Variants in STK24 observed in about 807,000 individuals in gnomAD.
STK24 encodes serine/threonine kinase 24, also known as serine/threonine-protein kinase 24.
STK24 carries 21 observed loss-of-function variants against 55.6 expected under a neutral mutation model. The ratio of observed to expected loss-of-function variants is 0.38; its 90% CI spans 0.27 to 0.54. The LOEUF (loss-of-function observed/expected upper bound fraction) is 0.54. Ranked by LOEUF, STK24 falls within the 20% of genes least tolerant of loss-of-function variation. The pLI, the probability that STK24 is intolerant of heterozygous loss-of-function variation, is 0.79. For synonymous variants in STK24, 200 were observed against 215.2 expected, an observed-to-expected ratio of 0.93 and a Z score of 0.62; for missense variants, 383 against 538.4, an observed-to-expected ratio of 0.71 and a Z score of 2.86.
At chr13:98,567,878 CAGAG>C (rs1488043938) in intron 1 of STK24, among the ~76,000 whole-genome samples, 1 of 130,134 alleles carries the variant, frequency 7.7e-6, no homozygotes, top group Admixed American at 9.4e-5. Flanking sequence ...ATACCTGAAA[CAGAG>C]AGAAGACAAC....
intron 8 of STK24, 146 bp downstream of exon 8, chr13:98,461,625 CTCT>C: frequency 9.4e-7 from 1 of 1,058,346 alleles, no homozygotes; most frequent in Non-Finnish European, 1.4e-6. Flanking sequence ...AGAACTAAAG[CTCT>C]TCATCTGCCC....
At chr13:98,518,693 G>C (rs1896155090) in intron 2 of STK24, among the ~76,000 whole-genome samples, 1 of 152,170 alleles carries the variant, frequency 6.6e-6, no homozygotes, top group Non-Finnish European at 1.5e-5. Flanking sequence ...AAAGAACAGA[G>C]TGGCAGTGCA....
At chr13:98,484,712 T>TA (rs1294536188) in intron 2 of STK24, among the ~76,000 whole-genome samples, 2 of 152,330 alleles carry the variant, frequency 1.3e-5, no homozygotes, top group South Asian at 4.1e-4. Flanking sequence ...TAAGGAGCCC[T>TA]AGCAAGACAC....
chr13:98,502,120 C>G (rs1895491770), intron 2 of STK24, among the ~76,000 whole-genome samples: 2 of 152,170 alleles, frequency 1.3e-5, no homozygotes, highest in South Asian at 2.1e-4. Context: ...GGTTCCCTGT[C>G]CTGTGTTCCC....
chr13:98,468,510 G>A (rs1019738788), intron 5 of STK24, among the ~76,000 whole-genome samples: 1 of 152,210 alleles, frequency 6.6e-6, no homozygotes, highest in Non-Finnish European at 1.5e-5. Flanking sequence ...GCAGGCACAA[G>A]GAGGGAGGAC....
chr13:98,503,109 CCAAA>C (rs1895551481), intron 2 of STK24, among the ~76,000 whole-genome samples: 2 of 138,374 alleles, frequency 1.4e-5, no homozygotes, highest in Admixed American at 1.6e-4. Context: ...AACTCAACTG[CCAAA>C]CAAATACAGT....
intron 1 of STK24, among the ~76,000 whole-genome samples, chr13:98,567,762 T>C (rs1689558011): frequency 6.6e-6 from 1 of 151,182 alleles, no homozygotes; most frequent in South Asian, 2.1e-4. Flanking sequence ...TATTCACCTA[T>C]AAACTGAAGA....
At chr13:98,465,153 A>G (rs1325184736) in intron 6 of STK24, among the ~76,000 whole-genome samples, 1 of 152,212 alleles carries the variant, frequency 6.6e-6, no homozygotes, top group Non-Finnish European at 1.5e-5. Flanking sequence ...CAGCAGGAAC[A>G]CCCAAACACC....
intron 8 of STK24, among the ~76,000 whole-genome samples, chr13:98,461,054 AAGAGAGAG>A (rs71292876): frequency 2.6e-4 from 37 of 143,750 alleles, no homozygotes; most frequent in Admixed American, 2.0e-3. Flanking sequence ...AAAAAAAAAA[AAGAGAGAG>A]AGAGAGAGAG....
At chr13:98,559,856 A>G (rs1897375110) in intron 1 of STK24, among the ~76,000 whole-genome samples, 1 of 152,250 alleles carries the variant, frequency 6.6e-6, no homozygotes, top group East Asian at 1.9e-4. Flanking sequence ...AGGAAAAAAA[A>G]AAAAGCCAGG....
chr13:98,506,551 T>C (rs147020624), intron 2 of STK24, among the ~76,000 whole-genome samples: 2,441 of 152,246 alleles, frequency 0.016, 25 homozygotes, highest in Non-Finnish European at 0.025. Flanking sequence ...CAGGGCAATG[T>C]CTCCCGTAGC....
At chr13:98,573,248 A>G (rs1187446887) in intron 1 of STK24, among the ~76,000 whole-genome samples, 1 of 152,228 alleles carries the variant, frequency 6.6e-6, no homozygotes, top group Non-Finnish European at 1.5e-5. Flanking sequence ...AGTGACTGAT[A>G]AAATTTTGTA....
Position 98,453,215 on chromosome 13 carries a change from GA to G in STK24, c.1260-7del. 1.2e-6 allele frequency: 2 copies of G among 1,612,264 alleles called. No homozygotes were observed. Among genetic ancestry groups the G allele is most frequent in the Non-Finnish European group, 8.5e-7 (1 of 1,179,288 alleles). On this transcript the variant is annotated splice_polypyrimidine_tract_variant and splice_region_variant and intron_variant, in intron 10 of 10. Coordinates refer to ENST00000539966, the MANE Select transcript of STK24 (RefSeq NM_001032296.4). ...CTCCACCACTTAGAGAGTATCTAGGGAAAAAGAGAGAGAGAGAAGTCAACAC... is the reference window on the plus strand; with the variant it reads ...CTCCACCACTTAGAGAGTATCTAGGGAAAAGAGAGAGAGAGAAGTCAACAC...
chr13:98,460,648 A>G (rs1893664533), intron 8 of STK24, among the ~76,000 whole-genome samples: 1 of 152,098 alleles, frequency 6.6e-6, no homozygotes. Flanking sequence ...GTGACATGCA[A>G]AACCCACGCA....
intron 2 of STK24, among the ~76,000 whole-genome samples, chr13:98,511,726 C>T (rs753604623): frequency 3.3e-5 from 5 of 152,116 alleles, no homozygotes; most frequent in African/African-American, 9.7e-5. Context: ...ATCTACGGTG[C>T]TCCGGAAAAG....
intron 1 of STK24, among the ~76,000 whole-genome samples, chr13:98,525,454 TC>T (rs1896400137): frequency 1.3e-5 from 2 of 151,798 alleles, no homozygotes; most frequent in African/African-American, 4.8e-5. Flanking sequence ...TCCCCAACAT[TC>T]CCCTCCAAAG....
intron 1 of STK24, among the ~76,000 whole-genome samples, chr13:98,573,228 A>G (rs1052717524): frequency 1.3e-5 from 2 of 152,226 alleles, no homozygotes; most frequent in African/African-American, 2.4e-5. Context: ...ACGGTTCAGA[A>G]AAGTTGAAAA....
chr13:98,556,089 C>A (rs1443918320), intron 1 of STK24, among the ~76,000 whole-genome samples: 3 of 152,154 alleles, frequency 2.0e-5, no homozygotes, highest in African/African-American at 4.8e-5. Context: ...ATACTCAGGA[C>A]CCACTTCAGG....
intron 2 of STK24, among the ~76,000 whole-genome samples, chr13:98,487,164 T>G (rs1594602366): frequency 6.6e-6 from 1 of 152,186 alleles, no homozygotes; most frequent in Non-Finnish European, 1.5e-5. Context: ...AGCGTCTGAG[T>G]GGCAGCCTGT....
Sources: allele counts gnomAD v4.1 joint callset (sites outside exome capture counted in the v4.1 genomes callset), GRCh38; gene constraint gnomAD v4.1.1; transcripts MANE v1.5; gene names NCBI Gene and HGNC (gene_info 2026-07-23, HGNC 2026-07-21).